The following TENM4 variants were observed in gnomAD, a reference collection of about 807,000 sequenced individuals.
TENM4 encodes the protein teneurin transmembrane protein 4, also known as teneurin-4.
Under a neutral mutation model 243.3 loss-of-function variants are expected in TENM4, and 82 were observed. The ratio of observed to expected loss-of-function variants is 0.34; its 90% CI spans 0.28 to 0.40. The LOEUF is 0.40. Ranked by LOEUF, TENM4 falls within the 10% of genes least tolerant of loss-of-function variation. The pLI is 1.00. For missense variants in TENM4, 3,138 were observed against 3,673.3 expected, an observed-to-expected ratio of 0.85 and a Z score of 3.77; for synonymous variants, 1,412 against 1,456.3, an observed-to-expected ratio of 0.97 and a Z score of 0.69.
intron 6 of TENM4, among the ~76,000 whole-genome samples, chr11:79,005,950 A>C (rs551494035): frequency 5.3e-5 from 8 of 152,348 alleles, no homozygotes; most frequent in African/African-American, 1.9e-4. Flanking sequence ...ATACACTAAC[A>C]ATGCCTAAGC....
At chr11:78,890,176 G>A (rs1236342310) in intron 8 of TENM4, among the ~76,000 whole-genome samples, 156 bp from the exon 9 acceptor site, 2 of 152,086 alleles carry the variant, frequency 1.3e-5, no homozygotes, top group Admixed American at 1.3e-4. Flanking sequence ...GGAACAAGGA[G>A]AGCTACGGAC....
At chr11:78,866,996 T>G (rs960863271) in intron 9 of TENM4, among the ~76,000 whole-genome samples, 2 of 152,216 alleles carry the variant, frequency 1.3e-5, no homozygotes, top group Non-Finnish European at 2.9e-5. Context: ...TATATACTTA[T>G]GGGACACGTG....
intron 6 of TENM4, among the ~76,000 whole-genome samples, chr11:79,046,700 C>G (rs935432647): frequency 6.6e-6 from 1 of 152,088 alleles, no homozygotes; most frequent in African/African-American, 2.4e-5. Context: ...CAGGGAATAC[C>G]AGAGATGGTG....
At chr11:78,800,692 A>G (rs1348684473) in intron 15 of TENM4, among the ~76,000 whole-genome samples, 1 of 151,790 alleles carries the variant, frequency 6.6e-6, no homozygotes, top group African/African-American at 2.4e-5. Context: ...GTTTGTCCCT[A>G]TGCTAGGGAT....
chr11:79,043,869 C>G (rs142183872), intron 6 of TENM4, among the ~76,000 whole-genome samples: 1 of 152,342 alleles, frequency 6.6e-6, no homozygotes, highest in Non-Finnish European at 1.5e-5. Flanking sequence ...CCTGTTGATT[C>G]TGCTCTCTGA....
intron 6 of TENM4, among the ~76,000 whole-genome samples, chr11:78,931,955 T>C (rs603058): frequency 0.2 from 30,024 of 152,122 alleles, 3,152 homozygotes; most frequent in Middle Eastern, 0.25. Flanking sequence ...ATTGCACCAC[T>C]GCACTCCAGC....
At chr11:78,766,748 G>A (rs1856547288) in intron 18 of TENM4, among the ~76,000 whole-genome samples, 1 of 149,618 alleles carries the variant, frequency 6.7e-6, no homozygotes. Context: ...TGTTGCCCTG[G>A]CTGGAGCGCA....
intron 4 of TENM4, among the ~76,000 whole-genome samples, chr11:79,140,386 C>T (rs745508977): frequency 6.6e-6 from 1 of 152,106 alleles, no homozygotes; most frequent in Non-Finnish European, 1.5e-5. Context: ...CTAAGCCTCA[C>T]CTATTTACCT....
At chr11:79,367,359 G>C (rs752991471) in intron 1 of TENM4, among the ~76,000 whole-genome samples, 1 of 151,978 alleles carries the variant, frequency 6.6e-6, no homozygotes, top group Non-Finnish European at 1.5e-5. Context: ...CCACCTGTGA[G>C]TCAGCCAGAA....
intron 6 of TENM4, among the ~76,000 whole-genome samples, chr11:79,026,655 T>G (rs1051677519): frequency 5.3e-5 from 8 of 152,196 alleles, no homozygotes; most frequent in African/African-American, 1.4e-4. Context: ...TTACTTCAGC[T>G]ACTTCTCACA....
At chr11:78,702,693 C>T (rs1024656447) in intron 27 of TENM4, among the ~76,000 whole-genome samples, 1 of 152,148 alleles carries the variant, frequency 6.6e-6, no homozygotes, top group Non-Finnish European at 1.5e-5. Context: ...TCAAATAGGC[C>T]TGAGTTCAGA....
chr11:78,951,784 C>T (rs1333674470), intron 6 of TENM4, among the ~76,000 whole-genome samples: 1 of 152,152 alleles, frequency 6.6e-6, no homozygotes, highest in Admixed American at 6.5e-5. Flanking sequence ...CTGATGCCAT[C>T]ACATAGAGAG....
At chr11:79,344,781 T>C (rs1857299921) in intron 1 of TENM4, among the ~76,000 whole-genome samples, 2 of 152,174 alleles carry the variant, frequency 1.3e-5, no homozygotes, top group Admixed American at 1.3e-4. Flanking sequence ...TTACCTAAAT[T>C]TTCTACCTAA....
intron 6 of TENM4, among the ~76,000 whole-genome samples, chr11:79,035,364 C>T (rs547107515): frequency 9.7e-4 from 148 of 152,276 alleles, no homozygotes; most frequent in African/African-American, 3.5e-3. Context: ...AAATTCTCAG[C>T]TCACCATCAG....
intron 17 of TENM4, among the ~76,000 whole-genome samples, chr11:78,771,565 T>C (rs1258586695): frequency 6.6e-6 from 1 of 152,214 alleles, no homozygotes; most frequent in Non-Finnish European, 1.5e-5. Flanking sequence ...GAAACATCTT[T>C]CTGTTTATTC....
intron 6 of TENM4, among the ~76,000 whole-genome samples, chr11:78,906,238 A>G (rs1484735288): frequency 1.3e-5 from 2 of 152,212 alleles, no homozygotes; most frequent in Non-Finnish European, 2.9e-5. Context: ...CAGTATTTGT[A>G]TTCCCATTTT....
chr11:79,300,758 T>A (rs183914938), intron 1 of TENM4, among the ~76,000 whole-genome samples: 4 of 152,372 alleles, frequency 2.6e-5, no homozygotes, highest in Non-Finnish European at 4.4e-5. Flanking sequence ...ATGTTCGTTA[T>A]GCTTTACTCA....
chr11:79,296,028 C>A (rs1349209538), intron 2 of TENM4, among the ~76,000 whole-genome samples: 1 of 151,930 alleles, frequency 6.6e-6, no homozygotes, highest in Non-Finnish European at 1.5e-5. Context: ...TCTACATCAA[C>A]CATGGTCATA....
intron 28 of TENM4, 88 bp from the exon 29 acceptor site, chr11:78,688,314 G>A: frequency 7.1e-7 from 1 of 1,406,836 alleles, no homozygotes; most frequent in Non-Finnish European, 9.7e-7. Flanking sequence ...CCATGGTTTT[G>A]CTGTGCTCTG....
Sources: allele counts gnomAD v4.1 joint callset (sites outside exome capture counted in the v4.1 genomes callset), GRCh38; gene constraint gnomAD v4.1.1; transcripts MANE v1.5; gene names NCBI Gene and HGNC (gene_info 2026-07-23, HGNC 2026-07-21).